Variants in GRM7 observed in about 807,000 individuals in gnomAD.
GRM7 encodes glutamate metabotropic receptor 7, also known as metabotropic glutamate receptor 7.
GRM7 carries 35 observed loss-of-function variants against 84.5 expected under a neutral mutation model. That is an observed-to-expected ratio of 0.41 (90% CI 0.32 to 0.55). The LOEUF is 0.55. Among genes scored for constraint, GRM7 ranks in the 20% least tolerant of loss-of-function variants. GRM7 has a pLI of 0.19. For synonymous variants in GRM7, 487 were observed against 455.1 expected (o/e 1.07, Z -0.89); for missense variants, 1,003 against 1,194.6 (o/e 0.84, Z 2.36).
intron 8 of GRM7, among the ~76,000 whole-genome samples, chr3:7,637,776 C>T (rs906732008): frequency 1.3e-5 from 2 of 152,236 alleles, no homozygotes; most frequent in African/African-American, 4.8e-5. Flanking sequence ...ATGACAGCAA[C>T]AGCTAGTGCA....
chr3:7,415,645 A>G (rs1009100872), intron 5 of GRM7, among the ~76,000 whole-genome samples: 2 of 152,178 alleles, frequency 1.3e-5, no homozygotes, highest in Non-Finnish European at 2.9e-5. Flanking sequence ...ACGGCTCCTT[A>G]TATGTAACCT....
intron 4 of GRM7, among the ~76,000 whole-genome samples, chr3:7,370,009 C>T (rs1694065634): frequency 1.3e-5 from 2 of 152,060 alleles, no homozygotes; most frequent in Non-Finnish European, 1.5e-5. Context: ...GAAAAAATAA[C>T]AGCAAGGCAA....
chr3:7,599,652 G>A (rs1696222881), intron 8 of GRM7, among the ~76,000 whole-genome samples: 1 of 152,116 alleles, frequency 6.6e-6, no homozygotes, highest in Non-Finnish European at 1.5e-5. Context: ...TTATATGACT[G>A]ATAAAGTATT....
At chr3:7,496,153 T>A (rs1164857519) in intron 7 of GRM7, among the ~76,000 whole-genome samples, 1 of 152,172 alleles carries the variant, frequency 6.6e-6, no homozygotes. Flanking sequence ...TGACCTTTAA[T>A]CTTGTACTCA....
chr3:7,584,447 G>T (rs999411081), intron 8 of GRM7, among the ~76,000 whole-genome samples: 1 of 152,162 alleles, frequency 6.6e-6, no homozygotes, highest in African/African-American at 2.4e-5. Context: ...CTCTCATTTT[G>T]TAGGGCTGGA....
intron 1 of GRM7, among the ~76,000 whole-genome samples, chr3:7,002,739 G>A (rs1047768007): frequency 2.0e-5 from 3 of 152,126 alleles, no homozygotes; most frequent in Non-Finnish European, 2.9e-5. Context: ...ATTTCTGGGT[G>A]TATATCCAGA....
intron 2 of GRM7, among the ~76,000 whole-genome samples, chr3:7,247,097 A>C (rs1649708401): frequency 6.6e-6 from 1 of 152,170 alleles, no homozygotes; most frequent in Admixed American, 6.6e-5. Flanking sequence ...ACAATGGTGT[A>C]TCTACATATT....
intron 4 of GRM7, among the ~76,000 whole-genome samples, chr3:7,321,311 A>G (rs564626414): frequency 1.3e-5 from 2 of 152,200 alleles, no homozygotes; most frequent in South Asian, 4.1e-4. Context: ...TTGTACTTCT[A>G]ACTATAAACT....
At chr3:7,460,252 A>G (rs1051084604) in intron 6 of GRM7, among the ~76,000 whole-genome samples, 2 of 151,974 alleles carry the variant, frequency 1.3e-5, no homozygotes, top group Admixed American at 6.6e-5. Context: ...TATAGTTTTT[A>G]TCATTGTTTT....
At chr3:6,929,269 T>C (rs1331594761) in intron 1 of GRM7, among the ~76,000 whole-genome samples, 3 of 152,198 alleles carry the variant, frequency 2.0e-5, no homozygotes, top group Non-Finnish European at 2.9e-5. Context: ...CCCCTGCTCC[T>C]TGTCCCCATG....
chr3:7,592,122 C>G (rs532045755), intron 8 of GRM7, among the ~76,000 whole-genome samples: 2 of 151,982 alleles, frequency 1.3e-5, no homozygotes, highest in Non-Finnish European at 2.9e-5. Context: ...GTAGCTATAT[C>G]CTAGCCACTG....
chr3:7,732,538 A>C (rs1009515417), intron 9 of GRM7, among the ~76,000 whole-genome samples: 1 of 152,210 alleles, frequency 6.6e-6, no homozygotes, highest in African/African-American at 2.4e-5. Flanking sequence ...CAGTTAAGGA[A>C]AAAAGGCAAA....
At chr3:7,020,376 A>G (rs9311971) in intron 1 of GRM7, among the ~76,000 whole-genome samples, 151,559 of 152,302 alleles carry the variant, frequency 1, 75,413 homozygotes, top group Middle Eastern at 1. Flanking sequence ...AATAGGCAGA[A>G]CATGGGGGGA....
intron 1 of GRM7, among the ~76,000 whole-genome samples, chr3:6,916,380 A>G (rs115936399): frequency 7.9e-4 from 120 of 152,356 alleles, no homozygotes; most frequent in African/African-American, 2.9e-3. Flanking sequence ...AGACTTTTCT[A>G]AGTGCTATTT....
At chr3:7,694,856 C>T (rs1004219523) in intron 9 of GRM7, among the ~76,000 whole-genome samples, 8 of 152,284 alleles carry the variant, frequency 5.3e-5, no homozygotes, top group East Asian at 1.9e-4. Flanking sequence ...GTTTATACTT[C>T]GGTCTAATTT....
intron 1 of GRM7, among the ~76,000 whole-genome samples, chr3:7,056,359 T>C (rs1247177853): frequency 6.6e-6 from 1 of 151,922 alleles, no homozygotes; most frequent in Non-Finnish European, 1.5e-5. Flanking sequence ...GCCTTTTAGG[T>C]TTACTTTCTC....
At chr3:7,720,309 CT>C (rs370158274) in intron 9 of GRM7, among the ~76,000 whole-genome samples, 246 of 150,144 alleles carry the variant, frequency 1.6e-3, no homozygotes, top group Middle Eastern at 3.4e-3. Flanking sequence ...CAATCTTCAA[CT>C]TTTTTTTTTC....
chr3:7,730,993 TTGTC>T (rs1458907685), intron 9 of GRM7, among the ~76,000 whole-genome samples: 2 of 152,172 alleles, frequency 1.3e-5, no homozygotes, highest in Non-Finnish European at 2.9e-5. Flanking sequence ...GACAGAGACT[TTGTC>T]TGTTTGTTTC....
intron 4 of GRM7, among the ~76,000 whole-genome samples, chr3:7,390,902 G>A (rs1421064240): frequency 6.6e-6 from 1 of 152,046 alleles, no homozygotes; most frequent in Non-Finnish European, 1.5e-5. Context: ...GGATCCTTTG[G>A]AGGTGACAAA....
Sources: gnomAD v4.1 joint callset for allele counts (sites outside exome capture counted in the v4.1 genomes callset) on GRCh38, gnomAD v4.1.1 for gene constraint, MANE v1.5 for transcripts, NCBI Gene and HGNC (gene_info 2026-07-23, HGNC 2026-07-21) for gene names.